Variants in SORCS2 observed in about 807,000 individuals in gnomAD.
The protein encoded by SORCS2 is sortilin related VPS10 domain containing receptor 2.
SORCS2 carries 100 observed loss-of-function variants against 141.6 expected under a neutral mutation model. The ratio of observed to expected loss-of-function variants is 0.71; its 90% CI spans 0.60 to 0.83. SORCS2 has a LOEUF of 0.83. SORCS2 is among the 40% of genes least tolerant of loss of function. The probability of loss-of-function intolerance (pLI) is 0.00; values close to 1 mark genes in which losing one functional copy is unlikely to be tolerated. For missense variants in SORCS2, 1,646 were observed against 1,560.2 expected (o/e 1.05, Z -0.93); for synonymous variants, 789 against 676.9 (o/e 1.17, Z -2.57).
At chr4:7,433,258 GA>G in intron 2 of SORCS2, 1 of 1,324,354 alleles carries the variant, frequency 7.6e-7, no homozygotes. Context: ...TGGGGATGGG[GA>G]AAGCACCCAC....
chr4:7,521,136 AG>A (rs1313135122), intron 2 of SORCS2, among the ~76,000 whole-genome samples: 1 of 151,846 alleles, frequency 6.6e-6, no homozygotes, highest in Non-Finnish European at 1.5e-5. Context: ...GGTCTCGGTG[AG>A]GTTCCCTTCA....
chr4:7,256,269 C>T (rs934750682), intron 1 of SORCS2, among the ~76,000 whole-genome samples: 5 of 152,204 alleles, frequency 3.3e-5, no homozygotes, highest in South Asian at 2.1e-4. Context: ...CAGCCAGGGC[C>T]GCCACGAGGG....
intron 3 of SORCS2, among the ~76,000 whole-genome samples, chr4:7,628,010 G>A (rs1028721811): frequency 4.6e-5 from 7 of 152,310 alleles, no homozygotes; most frequent in African/African-American, 1.4e-4. Flanking sequence ...GCACAGCCCC[G>A]GGCCTGCCTG....
chr4:7,326,927 G>C (rs1007707312), intron 1 of SORCS2, among the ~76,000 whole-genome samples: 1 of 151,968 alleles, frequency 6.6e-6, no homozygotes, highest in Non-Finnish European at 1.5e-5. Flanking sequence ...GCAGCGGGCA[G>C]TCAGGGTGCA....
chr4:7,596,407 T>C (rs1428384113), intron 3 of SORCS2, among the ~76,000 whole-genome samples: 1 of 152,212 alleles, frequency 6.6e-6, no homozygotes, highest in African/African-American at 2.4e-5. Context: ...TAGACCTGCA[T>C]GTCAGATTCT....
intron 2 of SORCS2, among the ~76,000 whole-genome samples, chr4:7,475,445 C>T (rs370860333): frequency 2.3e-4 from 35 of 152,260 alleles, no homozygotes; most frequent in African/African-American, 6.5e-4. Context: ...GCCGGCCCCC[C>T]GAGGGCCTGA....
At chr4:7,413,594 G>A (rs1725469245) in intron 2 of SORCS2, among the ~76,000 whole-genome samples, 1 of 152,114 alleles carries the variant, frequency 6.6e-6, no homozygotes, top group East Asian at 1.9e-4. Context: ...TGCCACATTG[G>A]CAAGGATGGT....
At chr4:7,453,956 TG>T in intron 2 of SORCS2, among the ~76,000 whole-genome samples, 1 of 87,340 alleles carries the variant, frequency 1.1e-5, no homozygotes, top group African/African-American at 4.3e-5. Flanking sequence ...AGCTGTGTGT[TG>T]GGGTCAGGTG....
At chr4:7,554,904 C>G (rs905216082) in intron 3 of SORCS2, among the ~76,000 whole-genome samples, 1 of 152,166 alleles carries the variant, frequency 6.6e-6, no homozygotes, top group Non-Finnish European at 1.5e-5. Context: ...GGGCAGAGTT[C>G]TCAGGAGAGC....
intron 12 of SORCS2, among the ~76,000 whole-genome samples, chr4:7,700,924 C>T (rs938573826): frequency 2.0e-5 from 3 of 152,200 alleles, no homozygotes; most frequent in African/African-American, 7.2e-5. Context: ...TGTGTGGCTT[C>T]AGGCAAGTCA....
chr4:7,682,596 A>G (rs1723590567), intron 9 of SORCS2, 147 bp from the exon 10 acceptor site: 1 of 791,634 alleles, frequency 1.3e-6, no homozygotes, highest in African/African-American at 1.7e-5. Flanking sequence ...ACTCACCTCT[A>G]GAATGTGTCT....
rs1008228480 is a variant in SORCS2 at position 7,192,693 on chromosome 4, C to G, written c.47C>G (p.Thr16Ser). ...CGCGCCTCGAAGGGCCCCGGCCCCA[C>G]CGCCCGAGCCCCGAGCCCCGGGGCT... ...PSRASKGPGP[T>S]ARAPSPGAPP... Residue 16 changes from threonine to serine, a missense_variant, in exon 1 of 27, where the codon ACC (threonine) becomes AGC (serine). Thr to Ser is a moderately conservative substitution (Grantham distance 58, BLOSUM62 1). Coordinates refer to ENST00000507866, the MANE Select transcript of SORCS2 (RefSeq NM_020777.3). This position sits in a 1 kb window ranked among gnomAD's most constrained non-coding sequence, Gnocchi z 4.0. 1.1e-4 allele frequency: 107 copies of G among 989,100 alleles called. No homozygotes were observed. In the African/African-American group the frequency reaches 1.8e-3, roughly 17 times the overall value. 61.3% of individuals were successfully genotyped at this position (989,100 alleles called of 1,614,324 possible). A position where few individuals can be genotyped will look rare whatever the true frequency, so the allele number is the denominator to read the frequency against.
intron 1 of SORCS2, among the ~76,000 whole-genome samples, chr4:7,391,313 C>T (rs1723845838): frequency 6.6e-6 from 1 of 152,196 alleles, no homozygotes; most frequent in Non-Finnish European, 1.5e-5. Flanking sequence ...CCCAGAGCAG[C>T]AGAAAGTCCT....
intron 2 of SORCS2, among the ~76,000 whole-genome samples, chr4:7,465,120 G>T (rs564276993): frequency 6.6e-6 from 1 of 152,228 alleles, no homozygotes; most frequent in African/African-American, 2.4e-5. Flanking sequence ...ATGACACCCG[G>T]GGCCGCTGGG....
In SORCS2 at chr4:7,348,450, C is replaced by T. The variant is rs1344108651; in HGVS notation, c.481-47838C>T. ...TTCCCCACAATGGCCCCACTACTGT[C>T]ATCAGCCTCCACTTTATAGATGATG... is the stretch of plus-strand genomic sequence containing the variant. On this transcript the variant is annotated intron_variant, in intron 1 of 26. Coordinates refer to ENST00000507866, the MANE Select transcript of SORCS2 (RefSeq NM_020777.3). Among the ~76,000 whole-genome samples, 3 of 152,202 alleles carry T rather than the reference C, an allele frequency of 2.0e-5. No individual in the cohort carries two copies. In the South Asian group the frequency reaches 6.2e-4, roughly 32 times the overall value.
chr4:7,508,816 C>T (rs1042793133), intron 2 of SORCS2, among the ~76,000 whole-genome samples: 1 of 152,036 alleles, frequency 6.6e-6, no homozygotes, highest in East Asian at 1.9e-4. Context: ...AAATTAAACT[C>T]AATATTGATA....
At chr4:7,209,249 G>C (rs185341487) in intron 1 of SORCS2, among the ~76,000 whole-genome samples, 1 of 152,162 alleles carries the variant, frequency 6.6e-6, no homozygotes, top group South Asian at 2.1e-4. Context: ...CAGCGCCCGA[G>C]AGCACGCCCC....
chr4:7,287,386 T>G (rs4689682), intron 1 of SORCS2, among the ~76,000 whole-genome samples: 1 of 152,096 alleles, frequency 6.6e-6, no homozygotes, highest in African/African-American at 2.4e-5. Context: ...CTGGCAGTCT[T>G]TTCCAGAAAG....
rs1330905040 is a variant in SORCS2, at chr4:7,373,583, C to T, written c.481-22705C>T. 1.1e-4 allele frequency among the ~76,000 whole-genome samples: 16 copies of T among 147,368 alleles called. No homozygotes were observed. The Admixed American group carries it at 1.1e-3, about 10-fold the overall frequency. On this transcript the variant is annotated intron_variant, in intron 1 of 26. Transcript: ENST00000507866. ...TCTCTGTTTACTGCAACCTCCACCT[C>T]CCAGGTTCAAGTGATTCTCCTGCCT... is the stretch of plus-strand genomic sequence containing the variant.
Sources: gnomAD v4.1 joint callset for allele counts (sites outside exome capture counted in the v4.1 genomes callset) on GRCh38, gnomAD v4.1.1 for gene constraint, Gnocchi (gnomAD v3.1) non-coding constraint, MANE v1.5 for transcripts, NCBI Gene and HGNC (gene_info 2026-07-23, HGNC 2026-07-21) for gene names.